The following SMURF2 variants were observed in gnomAD, a reference collection of about 807,000 sequenced individuals.
The protein encoded by SMURF2 is E3 ubiquitin-protein ligase SMURF2.
A neutral mutation model predicts 109.6 loss-of-function variants in SMURF2; 48 were observed. That is an observed-to-expected ratio of 0.44 (90% confidence interval 0.35 to 0.56). The LOEUF is 0.56. Among genes scored for constraint, SMURF2 ranks in the 20% least tolerant of loss-of-function variants. SMURF2 has a pLI of 0.01. For synonymous variants in SMURF2, 288 were observed against 317.1 expected, an observed-to-expected ratio of 0.91 and a Z score of 0.97; for missense variants, 575 against 909.0, an observed-to-expected ratio of 0.63 and a Z score of 4.72.
chr17:64,614,535 T>A (rs1555689943), intron 1 of SMURF2, among the ~76,000 whole-genome samples: 1 of 152,220 alleles, frequency 6.6e-6, no homozygotes, highest in Non-Finnish European at 1.5e-5. Flanking sequence ...ATTTCATTCT[T>A]AAGTCTACAC....
intron 1 of SMURF2, among the ~76,000 whole-genome samples, chr17:64,640,092 TTCTTA>T (rs1970474896): frequency 6.6e-6 from 1 of 152,244 alleles, no homozygotes; most frequent in African/African-American, 2.4e-5. Flanking sequence ...TTACAGATTT[TTCTTA>T]TCTTTAGACT....
intron 1 of SMURF2, among the ~76,000 whole-genome samples, chr17:64,622,602 G>A (rs545617620): frequency 7.2e-5 from 11 of 152,252 alleles, no homozygotes; most frequent in Non-Finnish European, 1.5e-4. Context: ...TGATTAGACG[G>A]GGTTTATGAG....
rs929084900 is a variant in SMURF2, at chr17:64,662,089, C to T, written c.-209G>A. ...TCCCCCCTCCTCCCACTTCTCCTTC[C>T]TCGGCCCGGGCCGCACAACAAAGCG... On this transcript the variant is annotated 5_prime_UTR_variant, in exon 1 of 19. Transcript: ENST00000262435. 19 of 1,073,436 alleles carry T rather than the reference C, an allele frequency of 1.8e-5. No homozygotes were observed. The African/African-American group carries it at 2.9e-4, about 16-fold the overall frequency. The allele number at this position is 1,073,436 out of a possible 1,614,324, so 66.5% of individuals were successfully genotyped here. A position where few individuals can be genotyped will look rare whatever the true frequency, so the allele number is the denominator to read the frequency against.
intron 1 of SMURF2, among the ~76,000 whole-genome samples, chr17:64,655,286 C>T (rs761683031): frequency 1.4e-4 from 15 of 105,598 alleles, no homozygotes; most frequent in African/African-American, 5.6e-4. Flanking sequence ...TTTGGAGACA[C>T]AGTTTCACTC....
At chr17:64,602,223 T>C (rs1212885685) in intron 2 of SMURF2, among the ~76,000 whole-genome samples, 1 of 152,002 alleles carries the variant, frequency 6.6e-6, no homozygotes, top group East Asian at 1.9e-4. Context: ...CTGGGTACAG[T>C]GTACACTGCT....
chr17:64,587,037 C>T (rs1187884086), intron 5 of SMURF2, among the ~76,000 whole-genome samples: 1 of 151,102 alleles, frequency 6.6e-6, no homozygotes, highest in Non-Finnish European at 1.5e-5. Context: ...GAACTATGGG[C>T]GTGGTGCGTG....
intron 12 of SMURF2, among the ~76,000 whole-genome samples, chr17:64,559,817 G>A (rs1247994433): frequency 3.3e-5 from 5 of 150,644 alleles, no homozygotes; most frequent in Admixed American, 2.0e-4. Context: ...GCACGATCTC[G>A]GCTCAGTGCA....
chr17:64,586,272 A>G, intron 5 of SMURF2, 102 bp from the exon 6 acceptor site: 3 of 619,140 alleles, frequency 4.8e-6, no homozygotes, highest in Non-Finnish European at 8.0e-6. Context: ...GCTTATTTTA[A>G]TACTTTAGAA....
chr17:64,646,584 T>G (rs1486850819), intron 1 of SMURF2, among the ~76,000 whole-genome samples: 5 of 151,418 alleles, frequency 3.3e-5, no homozygotes, highest in African/African-American at 1.2e-4. Flanking sequence ...AGTTTCACCA[T>G]GTTGCCCAGG....
At chr17:64,655,244 T>G (rs1005908844) in intron 1 of SMURF2, among the ~76,000 whole-genome samples, 1 of 145,010 alleles carries the variant, frequency 6.9e-6, no homozygotes, top group African/African-American at 2.6e-5. Context: ...ACAATCCCAA[T>G]GAAATGTCTT....
At chr17:64,553,032 G>A (rs932531034) in intron 15 of SMURF2, among the ~76,000 whole-genome samples, 6 of 151,926 alleles carry the variant, frequency 3.9e-5, no homozygotes, top group African/African-American at 7.3e-5. Flanking sequence ...AAGTAGAAAC[G>A]TAATACATAC....
intron 1 of SMURF2, among the ~76,000 whole-genome samples, chr17:64,626,415 C>A (rs1555691183): frequency 6.6e-6 from 1 of 152,038 alleles, no homozygotes; most frequent in African/African-American, 2.4e-5. Context: ...TTAAGAAGCA[C>A]AGGCTATTTC....
chr17:64,543,702 A>G lies in SMURF2; in HGVS notation c.*2146T>C, dbSNP rs550867642. On this transcript the variant is annotated 3_prime_UTR_variant, in exon 19 of 19. Coordinates refer to ENST00000262435, the MANE Select transcript of SMURF2 (RefSeq NM_022739.4). ...GATAGTAGCATTTCATTATTACTGT[A>G]TCCCTGTCAGTTATGATTTCTGTAT... 1 of 152,348 alleles carries G rather than the reference A, an allele frequency of 6.6e-6. No individual in the cohort carries two copies. Among genetic ancestry groups the G allele is most frequent in the East Asian group, 1.9e-4 (1 of 5,190 alleles). 9.4% of individuals were successfully genotyped at this position (152,348 alleles called of 1,614,324 possible).
intron 11 of SMURF2, among the ~76,000 whole-genome samples, 172 bp from the exon 12 acceptor site, chr17:64,561,775 T>C (rs1969223629): frequency 6.6e-6 from 1 of 151,824 alleles, no homozygotes; most frequent in African/African-American, 2.4e-5. Flanking sequence ...GGCAGGAGGA[T>C]CACCTGAGGC....
intron 1 of SMURF2, among the ~76,000 whole-genome samples, chr17:64,652,674 C>T (rs1183677049): frequency 5.3e-5 from 8 of 152,064 alleles, no homozygotes; most frequent in Non-Finnish European, 1.0e-4. Context: ...TTAGTAGAGA[C>T]GGGGTTTTGC....
chr17:64,661,493 T>C (rs936875445), intron 1 of SMURF2, among the ~76,000 whole-genome samples: 4 of 152,016 alleles, frequency 2.6e-5, no homozygotes, highest in African/African-American at 7.2e-5. Context: ...CGATCTCACC[T>C]GGGCGGTAGC....
intron 6 of SMURF2, among the ~76,000 whole-genome samples, chr17:64,584,546 A>G (rs1263705891): frequency 9.2e-5 from 14 of 151,500 alleles, no homozygotes; most frequent in Non-Finnish European, 1.3e-4. Context: ...TTTAGAAGAG[A>G]CGTGGTTTCA....
chr17:64,610,868 C>G (rs1970034452), intron 1 of SMURF2, among the ~76,000 whole-genome samples: 1 of 152,186 alleles, frequency 6.6e-6, no homozygotes, highest in South Asian at 2.1e-4. Context: ...TGCCTCTGAA[C>G]TGCTGCTACA....
chr17:64,594,613 G>C (rs1368321774), intron 3 of SMURF2, among the ~76,000 whole-genome samples: 1 of 152,062 alleles, frequency 6.6e-6, no homozygotes, highest in Non-Finnish European at 1.5e-5. Flanking sequence ...TTCTATCTTG[G>C]CATGTATCTA....
Sources: gnomAD v4.1 joint callset for allele counts (sites outside exome capture counted in the v4.1 genomes callset) on GRCh38, gnomAD v4.1.1 for gene constraint, MANE v1.5 for transcripts, NCBI Gene and HGNC (gene_info 2026-07-23, HGNC 2026-07-21) for gene names.